The following WHRN variants were observed in gnomAD, a reference collection of about 807,000 sequenced individuals.
The protein encoded by WHRN is whirlin.
In WHRN, 41 loss-of-function variants were observed where a neutral mutation model predicts 68.3. The observed-to-expected ratio is 0.60, with a 90% CI of 0.47 to 0.78. The LOEUF is 0.78. Ranked by LOEUF, WHRN falls within the 30% of genes least tolerant of loss-of-function variation. The pLI is 0.00. For missense variants in WHRN, 1,243 were observed against 1,244.7 expected, an observed-to-expected ratio of 1.00 and a Z score of 0.02; for synonymous variants, 560 against 561.3, an observed-to-expected ratio of 1.00 and a Z score of 0.03.
intron 3 of WHRN, among the ~76,000 whole-genome samples, chr9:114,438,113 T>C (rs559576145): frequency 1.3e-4 from 20 of 152,226 alleles, no homozygotes; most frequent in Non-Finnish European, 2.9e-4. Context: ...TGCATGCCTG[T>C]AGTCCCAGTT....
rs1211699655 is a variant in WHRN at position 114,504,853 on chromosome 9, C to T, written c.-52G>A. 5.9e-6 allele frequency: 8 copies of T among 1,349,214 alleles called. No homozygotes were observed. Among genetic ancestry groups the T allele is most frequent in the Non-Finnish European group, 6.6e-6 (7 of 1,060,534 alleles). The allele number at this position is 1,349,214 out of a possible 1,614,324, so 83.6% of individuals were successfully genotyped here. A position where few individuals can be genotyped will look rare whatever the true frequency, so the allele number is the denominator to read the frequency against. On this transcript the variant is annotated 5_prime_UTR_variant, in exon 1 of 12. Transcript: ENST00000362057. ...TGAGCGCGCGGGGTGTGGGCGGTGC[C>T]GCTGTCCTCGCGGGTACTGGCGCGA...
chr9:114,446,688 C>A (rs899889127), intron 3 of WHRN, among the ~76,000 whole-genome samples: 2 of 152,092 alleles, frequency 1.3e-5, no homozygotes, highest in Non-Finnish European at 2.9e-5. Flanking sequence ...GGTTTTTGGG[C>A]CAAAAGCTCT....
chr9:114,481,480 T>C (rs973031489), intron 1 of WHRN, among the ~76,000 whole-genome samples: 18 of 152,186 alleles, frequency 1.2e-4, no homozygotes, highest in African/African-American at 4.1e-4. Context: ...TGAGACCAAG[T>C]GGGCTTCCCC....
At chr9:114,470,389 G>T (rs1841105645) in intron 2 of WHRN, among the ~76,000 whole-genome samples, 1 of 152,168 alleles carries the variant, frequency 6.6e-6, no homozygotes, top group African/African-American at 2.4e-5. Flanking sequence ...CACGGGTCCT[G>T]TATGGCCAGA....
At chr9:114,403,079 G>T in intron 11 of WHRN, 138 bp downstream of exon 11, 1 of 1,538,900 alleles carries the variant, frequency 6.5e-7, no homozygotes, top group Non-Finnish European at 9.0e-7. Context: ...GCTGAGGCCC[G>T]GAAGAGCAAA....
In WHRN at chr9:114,428,442, A is replaced by G. The variant is rs116828510; in HGVS notation, c.964-2029T>C. On this transcript the variant is annotated intron_variant, in intron 3 of 11. Transcript: ENST00000362057. The stretch of plus-strand genomic sequence containing the variant: ...TTACACCAGCCTTCTTTGTCCCTTT[A>G]TATGTTTTCTCCTTAATATCACCAA... Among the ~76,000 whole-genome samples the G allele has an allele frequency of 5.8e-3, 878 of 152,284 alleles. 4 individuals are homozygous for G. The highest frequency in any genetic ancestry group is 0.02 in the African/African-American group (821 of 41,542).
chr9:114,428,837 G>A (rs554828921), intron 3 of WHRN, among the ~76,000 whole-genome samples: 5 of 151,530 alleles, frequency 3.3e-5, no homozygotes, highest in East Asian at 3.9e-4. Context: ...CCCTGACCTC[G>A]GTTCCTACCT....
At chr9:114,447,574 T>G (rs370908248) in intron 3 of WHRN, among the ~76,000 whole-genome samples, 10 of 152,184 alleles carry the variant, frequency 6.6e-5, no homozygotes, top group African/African-American at 2.4e-4. Flanking sequence ...CACTAGACTG[T>G]CAGCAATTTG....
intron 2 of WHRN, among the ~76,000 whole-genome samples, chr9:114,477,935 C>G (rs1220318657): frequency 6.6e-6 from 1 of 152,154 alleles, no homozygotes; most frequent in African/African-American, 2.4e-5. Context: ...AGATGCCTCT[C>G]TTTCCCTTTC....
chr9:114,451,244 T>C (rs967331201), intron 3 of WHRN, among the ~76,000 whole-genome samples: 1 of 152,216 alleles, frequency 6.6e-6, no homozygotes, highest in Non-Finnish European at 1.5e-5. Context: ...GCTGTCCCTG[T>C]TGGCATCAGC....
At chr9:114,459,504 G>A (rs1483137103) in intron 3 of WHRN, among the ~76,000 whole-genome samples, 1 of 152,124 alleles carries the variant, frequency 6.6e-6, no homozygotes, top group Non-Finnish European at 1.5e-5. Context: ...GGTAGACAGA[G>A]ATGGCACATA....
At chr9:114,408,783 G>T (rs1835220331) in intron 7 of WHRN, among the ~76,000 whole-genome samples, 1 of 152,240 alleles carries the variant, frequency 6.6e-6, no homozygotes, top group Admixed American at 6.5e-5. Context: ...TTATTTCTGG[G>T]TGTGTCTGTG....
chr9:114,493,098 C>A (rs1407169481), intron 1 of WHRN, among the ~76,000 whole-genome samples: 1 of 151,984 alleles, frequency 6.6e-6, no homozygotes, highest in Non-Finnish European at 1.5e-5. Flanking sequence ...GCCTGTAATC[C>A]CAGTGTTTTG....
At chr9:114,504,057 T>TAA (rs5900094) in intron 1 of WHRN, 127 bp downstream of exon 1, 13 of 1,048,872 alleles carry the variant, frequency 1.2e-5, no homozygotes, top group South Asian at 1.5e-5. Flanking sequence ...TTTAAAGTAT[T>TAA]AAAAAAAAAA....
chr9:114,418,709 A>G (rs889149486), intron 7 of WHRN, among the ~76,000 whole-genome samples: 1 of 152,152 alleles, frequency 6.6e-6, no homozygotes, highest in Admixed American at 6.5e-5. Flanking sequence ...TCTGTTGGAA[A>G]TGCTCTTCTC....
chr9:114,443,476 C>A (rs1433468552), intron 3 of WHRN, among the ~76,000 whole-genome samples: 5 of 152,212 alleles, frequency 3.3e-5, no homozygotes, highest in Admixed American at 1.3e-4. Context: ...CAACCTCGCA[C>A]CAACAAGGCC....
At chr9:114,480,294 C>T (rs756175858) in intron 1 of WHRN, among the ~76,000 whole-genome samples, 32 of 152,086 alleles carry the variant, frequency 2.1e-4, no homozygotes, top group Admixed American at 3.9e-4. Flanking sequence ...GAGACACTCA[C>T]TAAGCACTAG....
At chr9:114,482,808 C>T (rs1055869542) in intron 1 of WHRN, among the ~76,000 whole-genome samples, 4 of 152,154 alleles carry the variant, frequency 2.6e-5, no homozygotes, top group Admixed American at 6.5e-5. Flanking sequence ...ACCTTGCGAA[C>T]GGAGAGGTTA....
At chr9:114,409,881 C>A (rs1250669810) in intron 7 of WHRN, among the ~76,000 whole-genome samples, 2 of 152,040 alleles carry the variant, frequency 1.3e-5, no homozygotes, top group Non-Finnish European at 2.9e-5. Flanking sequence ...CTCCACCCAG[C>A]AGCTAGGGAG....
Sources: gnomAD v4.1 joint callset for allele counts (sites outside exome capture counted in the v4.1 genomes callset) on GRCh38, gnomAD v4.1.1 for gene constraint, MANE v1.5 for transcripts, NCBI Gene and HGNC (gene_info 2026-07-23, HGNC 2026-07-21) for gene names.